The following SPOUT1 variants were observed in gnomAD, a reference collection of about 807,000 sequenced individuals.
SPOUT1 encodes SPOUT domain containing methyltransferase 1.
Under a neutral mutation model 54.8 loss-of-function variants are expected in SPOUT1, and 40 were observed. The ratio of observed to expected loss-of-function variants is 0.73; its 90% CI spans 0.57 to 0.95. The LOEUF (loss-of-function observed/expected upper bound fraction) is 0.95, where lower values mean the gene tolerates loss of function less well. SPOUT1 is among the 40% of genes least tolerant of loss of function. The pLI is 0.00. For synonymous variants in SPOUT1, 193 were observed against 200.3 expected (o/e 0.96, Z 0.31); for missense variants, 437 against 499.5 (o/e 0.87, Z 1.19).
Position 128,826,364 on chromosome 9 carries a change from G to T in SPOUT1, c.508+20C>A, listed in dbSNP as rs770138492. On this transcript the variant is annotated intron_variant, in intron 6 of 11. Coordinates refer to ENST00000361256, the MANE Select transcript of SPOUT1 (RefSeq NM_016390.4). The surrounding 1 kb of genome is among the most constrained non-coding windows in gnomAD (Gnocchi z 5.5). The stretch of plus-strand genomic sequence containing the variant: ...GGCATGATCCAGGGGAAATGGGGGG[G>T]CGGGCCCATACAGCGTTACCTGCAA... 1 of 1,612,236 alleles carries T rather than the reference G, an allele frequency of 6.2e-7. No homozygotes were observed. The highest frequency in any genetic ancestry group is 8.5e-7 in the Non-Finnish European group (1 of 1,178,442).
intron 9 of SPOUT1, 105 bp from the exon 10 acceptor site, chr9:128,824,279 GGTGTGTGTGTGTGT>G: frequency 2.0e-6 from 1 of 495,706 alleles, no homozygotes; most frequent in South Asian, 1.9e-5. Flanking sequence ...AGAGCTGTGT[GGTGTGTGTGTGTGT>G]GTGTGTGCGT....
Position 128,826,127 on chromosome 9 carries a change from G to A in SPOUT1, c.534C>T (p.Pro178=), listed in dbSNP as rs776677726. The change falls in exon 7 of 12, where the codon CCC becomes CCT. Residue 178 remains proline (P), a synonymous_variant. Coordinates refer to ENST00000361256, the MANE Select transcript of SPOUT1 (RefSeq NM_016390.4). This position sits in a 1 kb window ranked among gnomAD's most constrained non-coding sequence, Gnocchi z 5.5. The part of the protein sequence containing the change: ...FAGLLNPLDS[P]HHMRQDEESE... The stretch of plus-strand genomic sequence containing the variant: ...ATTCCTCATCCTGACGCATGTGGTG[G>A]GGGCTGTCCAGGGGGTTCAGGAGCC... The A allele has an allele frequency of 3.4e-5, 55 of 1,611,342 alleles. No homozygotes were observed. Among genetic ancestry groups the A allele is most frequent in the Non-Finnish European group, 4.3e-5 (51 of 1,178,598 alleles).
intron 2 of SPOUT1, 36 bp downstream of exon 2, chr9:128,829,074 G>T: frequency 6.3e-7 from 1 of 1,587,016 alleles, no homozygotes; most frequent in Non-Finnish European, 8.7e-7. Flanking sequence ...TGGTGGAGTG[G>T]CCTATGGGAA....
intron 10 of SPOUT1, 82 bp from the exon 11 acceptor site, chr9:128,823,976 C>T (rs751198740): frequency 1.4e-5 from 22 of 1,586,882 alleles, no homozygotes; most frequent in Non-Finnish European, 1.8e-5. Context: ...CCCTCCCCAC[C>T]CCAGACAGCA....
In SPOUT1 at chr9:128,826,295, C is replaced by A; in HGVS notation, c.508+89G>T. 1 of 1,568,890 alleles carries A rather than the reference C, an allele frequency of 6.4e-7. No individual in the cohort carries two copies. Among genetic ancestry groups the A allele is most frequent in the Non-Finnish European group, 8.8e-7 (1 of 1,139,646 alleles). ...TCTTGCTCTCCCAGGCCTGCTTTCC[C>A]ACCTGGACAGCGCAGGGTAGGACTG... On this transcript the variant is annotated intron_variant, in intron 6 of 11. Coordinates refer to ENST00000361256, the MANE Select transcript of SPOUT1 (RefSeq NM_016390.4). This position sits in a 1 kb window ranked among gnomAD's most constrained non-coding sequence, Gnocchi z 5.5.
chr9:128,824,903 G>C (rs1830207629), intron 8 of SPOUT1, 34 bp from the exon 9 acceptor site: 2 of 1,599,594 alleles, frequency 1.3e-6, no homozygotes, highest in African/African-American at 1.3e-5. Flanking sequence ...AAGATGGGGT[G>C]AGGGAATGGA....
At chr9:128,823,952 G>A (rs1830182754) in intron 10 of SPOUT1, 58 bp from the exon 11 acceptor site, 44 of 1,599,538 alleles carry the variant, frequency 2.8e-5, no homozygotes, top group Non-Finnish European at 3.4e-5. Context: ...CCAGCACAGC[G>A]CCCAGACCTC....
chr9:128,829,794 C>T lies in SPOUT1; in HGVS notation c.-14G>A. The T allele has an allele frequency of 6.3e-7, 1 of 1,596,104 alleles. No homozygotes were observed. Among genetic ancestry groups the T allele is most frequent in the Non-Finnish European group, 8.5e-7 (1 of 1,171,912 alleles). On this transcript the variant is annotated 5_prime_UTR_variant, in exon 1 of 12. Transcript: ENST00000361256. Reference sequence around the variant, plus strand: ...GCGCTCCGCCATGTTCCGCACACACCGTCGGTCCCGCCTCTGCCAATGAGA... The same window carrying T: ...GCGCTCCGCCATGTTCCGCACACACTGTCGGTCCCGCCTCTGCCAATGAGA...
rs1278818881 is a variant in SPOUT1, at chr9:128,821,171, A to AG, written c.*1593dup. On this transcript the variant is annotated 3_prime_UTR_variant, in exon 12 of 12. Transcript: ENST00000361256. ...AATATGGAACCCCCCGCAGGTCTGC[A>AG]GTGCACCAAGCTCTCCCACCTTCCC... 1.4e-5 allele frequency: 5 copies of AG among 369,404 alleles called. No homozygotes were observed. The Admixed American group carries it at 2.0e-4, about 15-fold the overall frequency. 22.9% of individuals were successfully genotyped at this position (369,404 alleles called of 1,614,324 possible).
chr9:128,820,739 G>GTGCC lies in SPOUT1; in HGVS notation c.*2022_*2025dup, dbSNP rs1564432984. 1 of 1,607,996 alleles carries GTGCC rather than the reference G, an allele frequency of 6.2e-7. No individual in the cohort carries two copies. The highest frequency in any genetic ancestry group is 8.5e-7 in the Non-Finnish European group (1 of 1,176,970). On this transcript the variant is annotated 3_prime_UTR_variant, in exon 12 of 12. Transcript: ENST00000361256. ...TGCTAAGCCCTATCTCTCCTACCAGGTGCCCCACCTCAACCAGAATGCCTG... is the reference window on the plus strand; with the variant it reads ...TGCTAAGCCCTATCTCTCCTACCAGGTGCCTGCCCCACCTCAACCAGAATGCCTG...
rs1325980202 is a variant in SPOUT1 at position 128,826,209 on chromosome 9, G to C, written c.509-57C>G. The stretch of plus-strand genomic sequence containing the variant: ...AGTGCTAGGGCACACAGGGTGCAGT[G>C]GGGACCCTGGAGCGGAGTACCGGCT... On this transcript the variant is annotated intron_variant, in intron 6 of 11. Transcript: ENST00000361256. The surrounding 1 kb of genome is among the most constrained non-coding windows in gnomAD (Gnocchi z 5.5). The C allele has an allele frequency of 6.4e-7, 1 of 1,567,776 alleles. No individual in the cohort carries two copies. The highest frequency in any genetic ancestry group is 8.7e-7 in the Non-Finnish European group (1 of 1,153,478).
intron 11 of SPOUT1, among the ~76,000 whole-genome samples, chr9:128,823,507 G>C (rs955436521): frequency 3.3e-5 from 5 of 152,182 alleles, no homozygotes; most frequent in Admixed American, 2.0e-4. Context: ...CGGAGCAGGG[G>C]TGGGCAGGGC....
At chr9:128,823,426 T>G (rs1387212450) in intron 11 of SPOUT1, among the ~76,000 whole-genome samples, 3 of 152,060 alleles carry the variant, frequency 2.0e-5, no homozygotes, top group Non-Finnish European at 2.9e-5. Flanking sequence ...CCCACCGTGG[T>G]CACACACAAG....
At chr9:128,828,920 G>C in intron 2 of SPOUT1, 60 bp from the exon 3 acceptor site, 1 of 1,607,492 alleles carries the variant, frequency 6.2e-7, no homozygotes, top group Non-Finnish European at 8.5e-7. Context: ...GGGTCAGCCT[G>C]GACTCTGGAG....
At chr9:128,829,644 G>A (rs1830313349) in intron 1 of SPOUT1, 101 bp downstream of exon 1, 2 of 889,696 alleles carry the variant, frequency 2.2e-6, no homozygotes, top group Non-Finnish European at 3.5e-6. Context: ...CGGGAAGCAG[G>A]CAGCAGGAGG....
Position 128,822,558 on chromosome 9 carries a change from A to G in SPOUT1, c.*207T>C. 6.4e-7 allele frequency: 1 copy of G among 1,563,886 alleles called. No homozygotes were observed. Among genetic ancestry groups the G allele is most frequent in the South Asian group, 1.2e-5 (1 of 84,976 alleles). On this transcript the variant is annotated 3_prime_UTR_variant, in exon 12 of 12. Coordinates refer to ENST00000361256, the MANE Select transcript of SPOUT1 (RefSeq NM_016390.4). ...GCTTCGGGGCTGCTCTTTGTGCCAA[A>G]CATCCTGGCGCGGGCAGGCAGCCTC...
chr9:128,823,383 T>C (rs1488383167), intron 11 of SPOUT1, among the ~76,000 whole-genome samples: 2 of 152,100 alleles, frequency 1.3e-5, no homozygotes, highest in Non-Finnish European at 2.9e-5. Flanking sequence ...GTGGGACAGA[T>C]GCAAGTGAGA....
Position 128,822,788 on chromosome 9 carries a change from G to A in SPOUT1, c.1108C>T (p.Gln370Ter), listed in dbSNP as rs1830152668. The change falls in exon 12 of 12, where the codon CAG (glutamine) becomes TAG (stop). Residue 370 changes from glutamine to a stop codon, truncating the protein, a stop_gained. Transcript: ENST00000361256. LOFTEE classifies it high-confidence loss of function. ...SLAALQPGLI[Q>*]AGARHT ...TTTCAGGTGTGCCGGGCACCCGCCT[G>A]GATGAGGCCAGGCTGCAGGGCGGCC... The A allele has an allele frequency of 1.3e-6, 2 of 1,588,740 alleles. No individual in the cohort carries two copies. Among genetic ancestry groups the A allele is most frequent in the African/African-American group, 1.3e-5 (1 of 74,624 alleles).
rs572385887 is a variant in SPOUT1, at chr9:128,820,596, T to A, written c.*2169A>T. On this transcript the variant is annotated 3_prime_UTR_variant, in exon 12 of 12. Transcript: ENST00000361256. ...AGCCCTGGGTTTCAGGGAGTGACTT[T>A]CATTCCTTGAGCCTCAGTTTCCCCC... 8 of 690,556 alleles carry A rather than the reference T, an allele frequency of 1.2e-5. No individual in the cohort carries two copies. The East Asian group carries it at 2.2e-4, about 19-fold the overall frequency. 42.8% of individuals were successfully genotyped at this position (690,556 alleles called of 1,614,324 possible).
Sources: allele counts gnomAD v4.1 joint callset (sites outside exome capture counted in the v4.1 genomes callset), GRCh38; gene constraint gnomAD v4.1.1; non-coding constraint Gnocchi (gnomAD v3.1); transcripts MANE v1.5; gene names NCBI Gene and HGNC (gene_info 2026-07-23, HGNC 2026-07-21).